Variants in ABCC11 observed in about 807,000 individuals in gnomAD.
The protein encoded by ABCC11 is ATP binding cassette subfamily C member 11.
Under a neutral mutation model 149.3 loss-of-function variants are expected in ABCC11, and 135 were observed. The observed-to-expected ratio is 0.90, with a 90% CI of 0.79 to 1.04. The LOEUF (loss-of-function observed/expected upper bound fraction) is 1.04, where lower values mean the gene tolerates loss of function less well. Ranked by LOEUF, ABCC11 falls within the 50% of genes least tolerant of loss-of-function variation. The pLI is 0.00. For missense variants in ABCC11, 1,680 were observed against 1,722.1 expected (o/e 0.98, Z 0.43); for synonymous variants, 665 against 671.4 (o/e 0.99, Z 0.15).
At chr16:48,194,346 A>G (rs2150794093) in intron 18 of ABCC11, among the ~76,000 whole-genome samples, 1 of 152,344 alleles carries the variant, frequency 6.6e-6, no homozygotes, top group Non-Finnish European at 1.5e-5. Context: ...GTTCTAGAGA[A>G]GTTAGTTCAC....
rs1289171399 is a variant in ABCC11 at position 48,187,400 on chromosome 16, C to A, written c.2734G>T (p.Asp912Tyr). 1 of 1,613,644 alleles carries A rather than the reference C, an allele frequency of 6.2e-7. No individual in the cohort carries two copies. The highest frequency in any genetic ancestry group is 1.1e-5 in the South Asian group (1 of 91,020). ...KVFRCPMSFF[D>Y]TIPIGRLLNC... Reference sequence around the variant, plus strand: ...AAAAGCCGGCCTATTGGGATGGTGTCAAAGAAACTCATGGGGCAGCGGAAA... The same window carrying A: ...AAAAGCCGGCCTATTGGGATGGTGTAAAAGAAACTCATGGGGCAGCGGAAA... Residue 912 changes from aspartate to tyrosine, a missense_variant, in exon 21 of 30, where the codon GAC becomes TAC. By Grantham distance (160) the Asp-to-Tyr change is radical (BLOSUM62 -3). Transcript: ENST00000356608.
rs1410467090 is a variant in ABCC11 at position 48,211,105 on chromosome 16, T to C, written c.1451A>G (p.Gln484Arg). 2 of 1,614,230 alleles carry C rather than the reference T, an allele frequency of 1.2e-6. No homozygotes were observed. The highest frequency in any genetic ancestry group is 2.2e-5 in the East Asian group (1 of 44,888). Residue 484 changes from glutamine to arginine, a missense_variant, in exon 11 of 30, where the codon CAA (glutamine) becomes CGA (arginine). Gln to Arg is a conservative substitution (Grantham distance 43). Transcript: ENST00000356608. ...LVFEEATLSW[Q>R]QTCPGIVNGA... Reference sequence around the variant, plus strand: ...ATTGACGATCCCGGGACAGGTCTGTTGCCATGACAAGGTGGCCTCCTCAAA... The same window carrying C: ...ATTGACGATCCCGGGACAGGTCTGTCGCCATGACAAGGTGGCCTCCTCAAA...
Position 48,196,279 on chromosome 16 carries a change from C to G in ABCC11, c.2357G>C (p.Gly786Ala), listed in dbSNP as rs140234384. The G allele has an allele frequency of 1.2e-5, 19 of 1,614,022 alleles. No individual in the cohort carries two copies. In the Admixed American group the frequency reaches 2.0e-4, roughly 17 times the overall value. ...GTGGTAGACCCTCCAACTCAAGGAGCCTTCTTCCATCTCCTCCTCCTGTGT... is the reference window on the plus strand; with the variant it reads ...GTGGTAGACCCTCCAACTCAAGGAGGCTTCTTCCATCTCCTCCTCCTGTGT... ...QLTQEEEMEEGSLSWRVYHHY... is the reference protein window; with the variant it reads ...QLTQEEEMEEASLSWRVYHHY... The change falls in exon 18 of 30, where the codon GGC becomes GCC. Residue 786 changes from glycine (G) to alanine (A), a missense_variant. Coordinates refer to ENST00000356608, the MANE Select transcript of ABCC11 (RefSeq NM_001370497.1).
At chr16:48,244,663 C>G (rs980693453) in intron 1 of ABCC11, 5 of 1,297,300 alleles carry the variant, frequency 3.9e-6, no homozygotes, top group Non-Finnish European at 4.9e-6. Flanking sequence ...GCGGCGCGGC[C>G]TCCTCCGGGG....
rs57185310 is a variant in ABCC11 at position 48,231,660 on chromosome 16, C to CAA, written c.99+161_99+162dup. ...TGGGTGACAAAGCAAGACCCTGAGT[C>CAA]AAAAAAAAAAAAAAAAGAGAGAGAG... On this transcript the variant is annotated intron_variant, in intron 2 of 29. Coordinates refer to ENST00000356608, the MANE Select transcript of ABCC11 (RefSeq NM_001370497.1). 9.7e-3 allele frequency among the ~76,000 whole-genome samples: 755 copies of CAA among 78,018 alleles called. 7 individuals carry two copies. The highest frequency in any genetic ancestry group is 0.028 in the African/African-American group (691 of 24,470). The allele number at this position is 78,018 out of a possible 152,430, so 51.2% of individuals were successfully genotyped here.
intron 15 of ABCC11, among the ~76,000 whole-genome samples, chr16:48,199,395 A>G (rs563575907): frequency 1.3e-5 from 2 of 152,078 alleles, no homozygotes; most frequent in South Asian, 2.1e-4. Context: ...TAAATATTTT[A>G]TACCAAAAAA....
intron 5 of ABCC11, 61 bp from the exon 6 acceptor site, chr16:48,222,892 GT>G: frequency 7.1e-7 from 1 of 1,414,090 alleles, no homozygotes. Flanking sequence ...TTGATGTTTT[GT>G]TGCTGGAAGA....
At chr16:48,167,923 C>G (rs1383491207) in intron 28 of ABCC11, among the ~76,000 whole-genome samples, 1 of 152,132 alleles carries the variant, frequency 6.6e-6, no homozygotes, top group African/African-American at 2.4e-5. Context: ...TGAAAATGGC[C>G]TAGTGGCAAC....
At chr16:48,234,947 T>TGA (rs112734273) in intron 1 of ABCC11, among the ~76,000 whole-genome samples, 19,867 of 152,136 alleles carry the variant, frequency 0.13, 1,596 homozygotes, top group African/African-American at 0.23. Context: ...CTCTGCCAGG[T>TGA]GACAACTCCT....
At position 48,187,363 on chromosome 16, in the gene ABCC11, G is replaced by A; in HGVS notation, c.2771C>T (p.Ala924Val). The change falls in exon 21 of 30, where the codon GCA becomes GTA. Residue 924 changes from alanine (A) to valine (V), a missense_variant. Ala to Val is a moderately conservative substitution (Grantham distance 64). Transcript: ENST00000356608. ...IPIGRLLNCF[A>V]GDLEQLDQLL... ...CTGGTCCAGCTGTTCCAAGTCCCCT[G>A]CGAAGCAGTTCAAAAGCCGGCCTAT... 1 of 1,614,102 alleles carries A rather than the reference G, an allele frequency of 6.2e-7. No individual in the cohort carries two copies. Among genetic ancestry groups the A allele is most frequent in the Non-Finnish European group, 8.5e-7 (1 of 1,179,944 alleles).
intron 1 of ABCC11, among the ~76,000 whole-genome samples, chr16:48,238,633 C>T (rs1358651625): frequency 1.3e-5 from 2 of 152,016 alleles, no homozygotes; most frequent in African/African-American, 2.4e-5. Context: ...ATAATATTAT[C>T]GGATTAGAAT....
intron 19 of ABCC11, among the ~76,000 whole-genome samples, chr16:48,193,654 T>C (rs1327263895): frequency 1.3e-5 from 2 of 152,176 alleles, no homozygotes. Context: ...CTCTTGGTTT[T>C]CCAGTAAGAC....
intron 3 of ABCC11, among the ~76,000 whole-genome samples, 168 bp downstream of exon 3, chr16:48,230,269 T>C (rs1970342642): frequency 6.6e-6 from 1 of 152,202 alleles, no homozygotes; most frequent in Admixed American, 6.5e-5. Context: ...AAATAATGAA[T>C]GAATGGCTAT....
Position 48,184,435 on chromosome 16 carries a change from C to A in ABCC11, c.3258+5G>T. ...GAGAGGGCCCACACAGAGTCACCCC[C>A]TCACCTGCAGCACGATGTTGACAGC... On this transcript the variant is annotated splice_donor_5th_base_variant and intron_variant, in intron 23 of 29. Coordinates refer to ENST00000356608, the MANE Select transcript of ABCC11 (RefSeq NM_001370497.1). 1 of 1,613,288 alleles carries A rather than the reference C, an allele frequency of 6.2e-7. No homozygotes were observed. Among genetic ancestry groups the A allele is most frequent in the Non-Finnish European group, 8.5e-7 (1 of 1,179,526 alleles).
intron 15 of ABCC11, 36 bp downstream of exon 15, chr16:48,200,240 C>A: frequency 6.3e-7 from 1 of 1,593,986 alleles, no homozygotes. Context: ...CTACGTTATC[C>A]GTCAATCACA....
intron 1 of ABCC11, 46 bp from the exon 2 acceptor site, chr16:48,231,985 G>A: frequency 6.2e-7 from 1 of 1,610,614 alleles, no homozygotes; most frequent in Non-Finnish European, 8.5e-7. Flanking sequence ...GCAGGAGTTA[G>A]AAGAAGCTTA....
Position 48,224,458 on chromosome 16 carries a change from A to G in ABCC11, c.396-29T>C, listed in dbSNP as rs768512642. ...GAAAAGAGGATAATGGAACTGGTGG[A>G]ATCTCTTTGCATGTGACATCCAAAC... On this transcript the variant is annotated intron_variant, in intron 4 of 29. Transcript: ENST00000356608. 6.8e-6 allele frequency: 11 copies of G among 1,609,398 alleles called. No homozygotes were observed. In the South Asian group the frequency reaches 1.0e-4, roughly 15 times the overall value.
intron 1 of ABCC11, chr16:48,235,260 C>G (rs1970629850): frequency 6.6e-6 from 1 of 152,226 alleles, no homozygotes. Flanking sequence ...TCATCACATT[C>G]TGAAATTACC....
chr16:48,196,989 T>G (rs1405479522), intron 17 of ABCC11, among the ~76,000 whole-genome samples: 1 of 152,098 alleles, frequency 6.6e-6, no homozygotes, highest in Non-Finnish European at 1.5e-5. Flanking sequence ...TGAGGGAAAT[T>G]ACACCAGGAT....
Sources: gnomAD v4.1 joint callset for allele counts (sites outside exome capture counted in the v4.1 genomes callset) on GRCh38, gnomAD v4.1.1 for gene constraint, MANE v1.5 for transcripts, NCBI Gene and HGNC (gene_info 2026-07-23, HGNC 2026-07-21) for gene names.